RHOBTB3: variants seen among roughly 807,000 people sequenced by gnomAD.
RHOBTB3 encodes the protein rho-related BTB domain-containing protein 3.
In RHOBTB3, 47 loss-of-function variants were observed where a neutral mutation model predicts 67.2. That is an observed-to-expected ratio of 0.70 (90% confidence interval 0.55 to 0.89). RHOBTB3 has a LOEUF of 0.89. Among genes scored for constraint, RHOBTB3 ranks in the 40% least tolerant of loss-of-function variants. The probability of loss-of-function intolerance (pLI) is 0.00; values close to 1 mark genes in which losing one functional copy is unlikely to be tolerated. For synonymous variants in RHOBTB3, 273 were observed against 274.2 expected (o/e 1.00, Z 0.04); for missense variants, 631 against 750.0 (o/e 0.84, Z 1.85).
In RHOBTB3 at chr5:95,731,970, C is replaced by T. The variant is rs1350696060; in HGVS notation, c.114C>T (p.Asp38=). 1.1e-5 allele frequency: 17 copies of T among 1,614,048 alleles called. No individual in the cohort carries two copies. The highest frequency in any genetic ancestry group is 2.2e-5 in the East Asian group (1 of 44,890). Reference sequence around the variant, plus strand: ...GGAGAAGCCCTCTGGTCTCCGGGGACGAGAGCAGCTTGTTGCTGAACGCGG... The same window carrying T: ...GGAGAAGCCCTCTGGTCTCCGGGGATGAGAGCAGCTTGTTGCTGAACGCGG... ...YLGRSPLVSG[D]ESSLLLNAAS... Residue 38 remains aspartate, a synonymous_variant, in exon 2 of 12, where the codon GAC becomes GAT. Transcript: ENST00000379982.
chr5:95,721,604 A>G (rs1161684100), intron 1 of RHOBTB3, among the ~76,000 whole-genome samples: 2 of 151,966 alleles, frequency 1.3e-5, no homozygotes, highest in Non-Finnish European at 2.9e-5. Context: ...AGGAGAGAAT[A>G]TCAATCAGAG....
Sources: allele counts gnomAD v4.1 joint callset (sites outside exome capture counted in the v4.1 genomes callset), GRCh38; gene constraint gnomAD v4.1.1; transcripts MANE v1.5; gene names NCBI Gene and HGNC (gene_info 2026-07-23, HGNC 2026-07-21).